The following CRYBG3 variants were observed in gnomAD, a reference collection of about 807,000 sequenced individuals.
CRYBG3 encodes the protein crystallin beta-gamma domain containing 3.
A neutral mutation model predicts 244.2 loss-of-function variants in CRYBG3; 127 were observed. The ratio of observed to expected loss-of-function variants is 0.52; its 90% CI spans 0.45 to 0.60. The LOEUF (loss-of-function observed/expected upper bound fraction) is 0.60. Ranked by LOEUF, CRYBG3 falls within the 20% of genes least tolerant of loss-of-function variation. CRYBG3 has a pLI of 0.00. For synonymous variants in CRYBG3, 1,132 were observed against 1,195.8 expected, an observed-to-expected ratio of 0.95 and a Z score of 1.10; for missense variants, 3,325 against 3,442.5, an observed-to-expected ratio of 0.97 and a Z score of 0.85.
Position 97,864,568 on chromosome 3 carries a change from T to C in CRYBG3, c.568T>C (p.Ser190Pro), listed in dbSNP as rs77115127. Residue 190 changes from serine (S) to proline (P), a missense_variant, in exon 3 of 22, where the codon TCT (serine) becomes CCT (proline). Ser to Pro is a moderately conservative substitution (Grantham distance 74). Coordinates refer to ENST00000389622, the MANE Select transcript of CRYBG3 (RefSeq NM_153605.4). ...TQTHPTEEQD[S>P]NSSELSDAFS... The stretch of plus-strand genomic sequence containing the variant: ...GACACATCCAACAGAAGAACAAGAC[T>C]CTAACTCATCCGAACTCTCAGATGC... 1 of 1,535,718 alleles carries C rather than the reference T, an allele frequency of 6.5e-7. No individual in the cohort carries two copies. Among genetic ancestry groups the C allele is most frequent in the African/African-American group, 1.4e-5 (1 of 73,012 alleles).
chr3:97,853,884 G>A (rs1221618651), intron 2 of CRYBG3, among the ~76,000 whole-genome samples: 1 of 152,030 alleles, frequency 6.6e-6, no homozygotes, highest in Non-Finnish European at 1.5e-5. Context: ...GGTTCTTAGT[G>A]ATGAACTCTC....
intron 3 of CRYBG3, among the ~76,000 whole-genome samples, chr3:97,870,782 C>A (rs1383494299): frequency 6.6e-6 from 1 of 152,062 alleles, no homozygotes; most frequent in Non-Finnish European, 1.5e-5. Flanking sequence ...TACAACTTGC[C>A]AAATCTTGTG....
chr3:97,893,877 A>G (rs896535332), intron 11 of CRYBG3, among the ~76,000 whole-genome samples: 2 of 152,212 alleles, frequency 1.3e-5, no homozygotes, highest in Non-Finnish European at 2.9e-5. Context: ...TATTTAGAGA[A>G]CTAGACTTTG....
chr3:97,824,109 A>G (rs2038547482), intron 1 of CRYBG3, among the ~76,000 whole-genome samples: 1 of 152,154 alleles, frequency 6.6e-6, no homozygotes, highest in Non-Finnish European at 1.5e-5. Flanking sequence ...TGGGTGTTTT[A>G]CTGTTTTAAA....
chr3:97,858,325 T>C (rs1297852912), intron 2 of CRYBG3, among the ~76,000 whole-genome samples: 1 of 152,032 alleles, frequency 6.6e-6, no homozygotes, highest in Non-Finnish European at 1.5e-5. Flanking sequence ...TTTAGAAAAT[T>C]TGTTGACTTT....
chr3:97,929,829 C>A (rs538145193), intron 17 of CRYBG3, among the ~76,000 whole-genome samples: 1 of 152,022 alleles, frequency 6.6e-6, no homozygotes, highest in African/African-American at 2.4e-5. Context: ...ATTTTTTTCT[C>A]AATATCCCTG....
chr3:97,870,147 A>G (rs1047383078), intron 3 of CRYBG3, among the ~76,000 whole-genome samples: 2 of 152,114 alleles, frequency 1.3e-5, no homozygotes, highest in Non-Finnish European at 2.9e-5. Flanking sequence ...AATAATTTCA[A>G]CTTTTATTTT....
chr3:97,896,706 C>T (rs886561024), intron 12 of CRYBG3, among the ~76,000 whole-genome samples: 8 of 152,192 alleles, frequency 5.3e-5, no homozygotes, highest in African/African-American at 1.9e-4. Context: ...TGTCTGGAGA[C>T]ATTTTGGATT....
intron 2 of CRYBG3, among the ~76,000 whole-genome samples, chr3:97,844,309 T>A (rs957476658): frequency 6.6e-6 from 1 of 152,186 alleles, no homozygotes; most frequent in Non-Finnish European, 1.5e-5. Context: ...AATCAGTTGT[T>A]ACCCAGCCTG....
At chr3:97,915,157 T>A (rs1471789482) in intron 16 of CRYBG3, among the ~76,000 whole-genome samples, 1 of 152,202 alleles carries the variant, frequency 6.6e-6, no homozygotes, top group East Asian at 1.9e-4. Context: ...TTATAATCTG[T>A]TCAGGTACTT....
At chr3:97,932,648 A>G (rs1485160136) in intron 17 of CRYBG3, among the ~76,000 whole-genome samples, 3 of 152,046 alleles carry the variant, frequency 2.0e-5, no homozygotes, top group South Asian at 4.1e-4. Context: ...AGAAGCTTCA[A>G]GAACTTTCCA....
intron 17 of CRYBG3, among the ~76,000 whole-genome samples, chr3:97,924,672 C>T (rs780416368): frequency 6.6e-6 from 1 of 152,102 alleles, no homozygotes; most frequent in Admixed American, 6.6e-5. Context: ...CAAAGTGCAT[C>T]ACTCTAGTCT....
intron 2 of CRYBG3, among the ~76,000 whole-genome samples, chr3:97,860,915 C>T (rs756809254): frequency 6.6e-6 from 1 of 152,024 alleles, no homozygotes; most frequent in Non-Finnish European, 1.5e-5. Flanking sequence ...GTTTATCAGA[C>T]ATCTCAACTT....
chr3:97,836,389 T>TA (rs1422984737), intron 1 of CRYBG3, among the ~76,000 whole-genome samples: 2 of 151,664 alleles, frequency 1.3e-5, no homozygotes, highest in Non-Finnish European at 2.9e-5. Context: ...TAATAGCCAT[T>TA]AAAAAAAATA....
At chr3:97,895,892 G>T (rs2039634145) in intron 11 of CRYBG3, 67 bp from the exon 12 acceptor site, 1 of 1,443,566 alleles carries the variant, frequency 6.9e-7, no homozygotes. Context: ...TATCTTGATT[G>T]TCTCTGTTTT....
chr3:97,910,310 A>C (rs1316067112), intron 15 of CRYBG3, among the ~76,000 whole-genome samples: 1 of 152,036 alleles, frequency 6.6e-6, no homozygotes, highest in Non-Finnish European at 1.5e-5. Context: ...TGTTTACCTA[A>C]TCAAGCCTGG....
At chr3:97,888,530 C>A in intron 9 of CRYBG3, 75 bp downstream of exon 9, 1 of 922,854 alleles carries the variant, frequency 1.1e-6, no homozygotes, top group Non-Finnish European at 1.8e-6. Flanking sequence ...ATGATGTTTG[C>A]TCATGCATCT....
intron 2 of CRYBG3, among the ~76,000 whole-genome samples, chr3:97,846,044 G>A (rs1430106181): frequency 2.0e-5 from 3 of 152,192 alleles, no homozygotes; most frequent in African/African-American, 7.2e-5. Flanking sequence ...TGGATGCTCA[G>A]TATGTAGTCG....
chr3:97,861,315 A>G (rs1241031288), intron 2 of CRYBG3, among the ~76,000 whole-genome samples: 1 of 151,844 alleles, frequency 6.6e-6, no homozygotes, highest in Non-Finnish European at 1.5e-5. Flanking sequence ...CTACATCCCC[A>G]CTCGTTAATT....
Sources: allele counts gnomAD v4.1 joint callset (sites outside exome capture counted in the v4.1 genomes callset), GRCh38; gene constraint gnomAD v4.1.1; transcripts MANE v1.5; gene names NCBI Gene and HGNC (gene_info 2026-07-23, HGNC 2026-07-21).